DOP1B: variants seen among roughly 807,000 people sequenced by gnomAD.
The protein encoded by DOP1B is protein DOP1B.
DOP1B carries 174 observed loss-of-function variants against 233.5 expected under a neutral mutation model. That is an observed-to-expected ratio of 0.75 (90% CI 0.66 to 0.85). The LOEUF is 0.85. DOP1B is among the 40% of genes least tolerant of loss of function. DOP1B has a pLI of 0.00. For missense variants in DOP1B, 2,652 were observed against 2,846.6 expected, an observed-to-expected ratio of 0.93 and a Z score of 1.56; for synonymous variants, 1,190 against 1,185.6, an observed-to-expected ratio of 1.00 and a Z score of -0.08.
intron 1 of DOP1B, among the ~76,000 whole-genome samples, chr21:36,161,574 A>G (rs1257933563): frequency 6.6e-6 from 1 of 152,134 alleles, no homozygotes; most frequent in African/African-American, 2.4e-5. Flanking sequence ...GGCTGGTCAC[A>G]ACCTCCGGGG....
At chr21:36,198,804 C>T (rs2066323658) in intron 2 of DOP1B, among the ~76,000 whole-genome samples, 1 of 152,230 alleles carries the variant, frequency 6.6e-6, no homozygotes, top group Admixed American at 6.5e-5. Flanking sequence ...TGGAGAAGCA[C>T]ACGGCCCTCA....
chr21:36,174,970 T>C (rs780332189), intron 2 of DOP1B, among the ~76,000 whole-genome samples: 1 of 152,240 alleles, frequency 6.6e-6, no homozygotes, highest in Non-Finnish European at 1.5e-5. Flanking sequence ...TTCACAGTTC[T>C]GGAAGCCAGA....
Position 36,245,752 on chromosome 21 carries a change from T to C in DOP1B, c.3772T>C (p.Phe1258Leu), listed in dbSNP as rs375348370. 1.3e-5 allele frequency: 21 copies of C among 1,613,814 alleles called. No homozygotes were observed. In the African/African-American group the frequency reaches 1.6e-4, roughly 12 times the overall value. ...TGTGCTCAAAACCAACCCTAAGGAA[T>C]TCATCGAGGCTGTGTCCAGGACTAG... is the stretch of plus-strand genomic sequence containing the variant. ...EAVLKTNPKEFIEAVSRTSMD... is the reference protein window; with the variant it reads ...EAVLKTNPKELIEAVSRTSMD... Residue 1258 changes from phenylalanine to leucine, a missense_variant, in exon 19 of 37, where the codon TTC becomes CTC. Phe to Leu is a conservative substitution (Grantham distance 22, BLOSUM62 0). Around this residue, in one of 3 missense-constraint regions of DOP1B, gnomAD observed 2,617 missense variants for 2,794.3 expected, o/e 0.94. Transcript: ENST00000691173. This position sits in a 1 kb window ranked among gnomAD's most constrained non-coding sequence, Gnocchi z 5.5.
intron 11 of DOP1B, among the ~76,000 whole-genome samples, chr21:36,225,135 G>A (rs773697270): frequency 1.3e-5 from 2 of 152,118 alleles, no homozygotes; most frequent in Non-Finnish European, 2.9e-5. Flanking sequence ...ATTTAGTTAT[G>A]AGAACTACAA....
chr21:36,281,973 C>A (rs1479501265), intron 32 of DOP1B, among the ~76,000 whole-genome samples: 1 of 152,132 alleles, frequency 6.6e-6, no homozygotes, highest in Non-Finnish European at 1.5e-5. Flanking sequence ...GCCCTCACTG[C>A]CCCCACACAC....
chr21:36,270,158 G>T lies in DOP1B; in HGVS notation c.5632+1G>T. 2.5e-6 allele frequency: 4 copies of T among 1,613,652 alleles called. No individual in the cohort carries two copies. The highest frequency in any genetic ancestry group is 3.4e-6 in the Non-Finnish European group (4 of 1,179,850). ...TCTGATGCTGAGGAGGACCTGTATG[G>T]TAGGTGGAGATGGGTTGGCTGATAG... On this transcript the variant is annotated splice_donor_variant, in intron 27 of 36. Coordinates refer to ENST00000691173, the MANE Select transcript of DOP1B (RefSeq NM_001320714.2). LOFTEE classifies it high-confidence loss of function.
chr21:36,219,781 T>C (rs1355736093), intron 10 of DOP1B, among the ~76,000 whole-genome samples: 1 of 151,880 alleles, frequency 6.6e-6, no homozygotes, highest in East Asian at 1.9e-4. Context: ...ATGAAATGTA[T>C]GTATTGATCA....
At chr21:36,171,657 G>A (rs2065972809) in intron 2 of DOP1B, among the ~76,000 whole-genome samples, 1 of 152,216 alleles carries the variant, frequency 6.6e-6, no homozygotes, top group Non-Finnish European at 1.5e-5. Flanking sequence ...AGCGGGGGGA[G>A]AGGCACGGGA....
chr21:36,291,879 G>A (rs945074682), intron 35 of DOP1B, among the ~76,000 whole-genome samples: 1 of 152,110 alleles, frequency 6.6e-6, no homozygotes, highest in African/African-American at 2.4e-5. Context: ...GGGTATAGGG[G>A]GTTGGGGTGG....
At chr21:36,260,266 G>GGAAA (rs72427881) in intron 23 of DOP1B, among the ~76,000 whole-genome samples, 3,225 of 124,828 alleles carry the variant, frequency 0.026, 54 homozygotes, top group Middle Eastern at 0.045. Flanking sequence ...AAGGAAGGAA[G>GGAAA]GAAAGAAAGA....
intron 26 of DOP1B, 44 bp downstream of exon 26, chr21:36,263,858 A>G: frequency 3.8e-6 from 6 of 1,569,402 alleles, no homozygotes; most frequent in Non-Finnish European, 5.3e-6. Context: ...TTACCCCAGC[A>G]GTGCTGTCCT....
chr21:36,213,878 A>G (rs1212311971), intron 7 of DOP1B, among the ~76,000 whole-genome samples: 1 of 152,056 alleles, frequency 6.6e-6, no homozygotes, highest in South Asian at 2.1e-4. Flanking sequence ...ATTGATACCC[A>G]TTGAGGTGGA....
At chr21:36,170,316 G>T in intron 2 of DOP1B, 1 of 294,512 alleles carries the variant, frequency 3.4e-6, no homozygotes, top group Admixed American at 5.0e-5. Flanking sequence ...TTCTATTCTA[G>T]GCCTGGCGCG....
chr21:36,279,066 C>T (rs1463665017), intron 30 of DOP1B, among the ~76,000 whole-genome samples: 2 of 151,926 alleles, frequency 1.3e-5, no homozygotes, highest in Admixed American at 1.3e-4. Flanking sequence ...AAGCAGAGAT[C>T]CACTGAGACT....
At chr21:36,164,895 G>T (rs2065894822) in intron 2 of DOP1B, 24 bp downstream of exon 2, 7 of 1,498,432 alleles carry the variant, frequency 4.7e-6, no homozygotes, top group Non-Finnish European at 6.2e-6. Context: ...ATCCTATTTG[G>T]ATTGCATGGA....
rs149830805 is a variant in DOP1B, at chr21:36,245,310, C to T, written c.3330C>T (p.Thr1110=). ...AHGAPDSSEH[T]ESADTSSCHT... is the part of the protein sequence containing the mutation. ...GCGCCCCGGACAGCAGCGAGCACAC[C>T]GAGTCTGCAGATACAAGCTCCTGCC... Residue 1110 remains threonine, a synonymous_variant, in exon 19 of 37, where the codon ACC becomes ACT. Coordinates refer to ENST00000691173, the MANE Select transcript of DOP1B (RefSeq NM_001320714.2). This position sits in a 1 kb window ranked among gnomAD's most constrained non-coding sequence, Gnocchi z 5.5. 3,809 of 1,614,090 alleles carry T rather than the reference C, an allele frequency of 2.4e-3. 9 individuals carry two copies. The highest frequency in any genetic ancestry group is 2.9e-3 in the Non-Finnish European group (3,477 of 1,180,036).
chr21:36,236,473 T>G (rs1368621418), intron 15 of DOP1B, among the ~76,000 whole-genome samples: 1 of 152,198 alleles, frequency 6.6e-6, no homozygotes, highest in Non-Finnish European at 1.5e-5. Context: ...GGTGACCAAG[T>G]GCTGTGGAGC....
chr21:36,286,642 ACAC>A (rs2067487119), intron 32 of DOP1B, among the ~76,000 whole-genome samples: 1 of 5,734 alleles, frequency 1.7e-4, no homozygotes, highest in African/African-American at 3.2e-3. Context: ...TCTCAAAAAC[ACAC>A]ACACACACAC....
At chr21:36,201,345 C>CTGTTTTTTTT (rs2066363623) in intron 4 of DOP1B, among the ~76,000 whole-genome samples, 1 of 83,290 alleles carries the variant, frequency 1.2e-5, no homozygotes, top group Non-Finnish European at 2.2e-5. Context: ...CTATTGGATT[C>CTGTTTTTTTT]TTTTTTTTTT....
Sources: gnomAD v4.1 joint callset for allele counts (sites outside exome capture counted in the v4.1 genomes callset) on GRCh38, gnomAD v4.1.1 for gene constraint, gnomAD v4.1.1 regional missense constraint, Gnocchi (gnomAD v3.1) non-coding constraint, MANE v1.5 for transcripts, NCBI Gene and HGNC (gene_info 2026-07-23, HGNC 2026-07-21) for gene names.